The following GABPB1 variants were observed in gnomAD, a reference collection of about 807,000 sequenced individuals.
GABPB1 encodes the protein GA-binding protein subunit beta-1.
GABPB1 carries 15 observed loss-of-function variants against 45.9 expected under a neutral mutation model. That is an observed-to-expected ratio of 0.33 (90% CI 0.22 to 0.50). The LOEUF is 0.50. Ranked by LOEUF, GABPB1 falls within the 20% of genes least tolerant of loss-of-function variation. The pLI is 0.98. For missense variants in GABPB1, 252 were observed against 457.5 expected (o/e 0.55, Z 4.10); for synonymous variants, 143 against 154.4 (o/e 0.93, Z 0.55).
intron 1 of GABPB1, among the ~76,000 whole-genome samples, chr15:50,347,242 A>G (rs2141178236): frequency 6.6e-6 from 1 of 152,234 alleles, no homozygotes; most frequent in Middle Eastern, 3.4e-3. Flanking sequence ...AGACCATAGC[A>G]CTTAGGGCAA....
chr15:50,284,050 A>G (rs931430940), intron 8 of GABPB1, among the ~76,000 whole-genome samples: 1 of 152,176 alleles, frequency 6.6e-6, no homozygotes, highest in African/African-American at 2.4e-5. Context: ...GCCACTAGTC[A>G]TGACAACCAA....
At chr15:50,342,340 C>T (rs757446839) in intron 1 of GABPB1, among the ~76,000 whole-genome samples, 1 of 150,916 alleles carries the variant, frequency 6.6e-6, no homozygotes. Context: ...TTTTTTTAAC[C>T]CTTATAGGAG....
intron 1 of GABPB1, among the ~76,000 whole-genome samples, chr15:50,316,239 G>T (rs2047322583): frequency 6.6e-6 from 1 of 152,102 alleles, no homozygotes; most frequent in South Asian, 2.1e-4. Flanking sequence ...TACATGCCAA[G>T]ATGGCCATCT....
chr15:50,331,348 T>C (rs989802454), intron 1 of GABPB1, among the ~76,000 whole-genome samples: 2 of 152,114 alleles, frequency 1.3e-5, no homozygotes, highest in African/African-American at 2.4e-5. Context: ...CCAATAACAG[T>C]AGTGGTAGCA....
rs552203074 is a variant in GABPB1, at chr15:50,282,560, G to GAAAAAAAAAAAAAAAA, written c.999+3507_999+3508insTTTTTTTTTTTTTTTT. On this transcript the variant is annotated intron_variant, in intron 8 of 8. Coordinates refer to ENST00000380877, the MANE Select transcript of GABPB1 (RefSeq NM_016654.5). ...CAAAGTGAGACCCTGCCTTAAAAAA[G>GAAAAAAAAAAAAAAAA]AAAAAAAAAAAAAAACAGAGACGGA... Among the ~76,000 whole-genome samples, 448 of 88,938 alleles carry GAAAAAAAAAAAAAAAA rather than the reference G, an allele frequency of 5.0e-3. 66 individuals are homozygous for GAAAAAAAAAAAAAAAA. Among genetic ancestry groups the GAAAAAAAAAAAAAAAA allele is most frequent in the Non-Finnish European group, 6.6e-3 (280 of 42,606 alleles). The allele number at this position is 88,938 out of a possible 152,430, so 58.3% of individuals were successfully genotyped here. A position where few individuals can be genotyped will look rare whatever the true frequency, so the allele number is the denominator to read the frequency against.
At chr15:50,354,395 C>T in intron 1 of GABPB1, 1 of 451,974 alleles carries the variant, frequency 2.2e-6, no homozygotes, top group Non-Finnish European at 4.4e-6. Flanking sequence ...CCTGTCTGGT[C>T]CGGCCGATCC....
chr15:50,311,463 C>A (rs1235668380), intron 1 of GABPB1, among the ~76,000 whole-genome samples: 5 of 152,128 alleles, frequency 3.3e-5, no homozygotes, highest in African/African-American at 9.7e-5. Flanking sequence ...ATTAGTGTAT[C>A]TCTACCTGGT....
intron 1 of GABPB1, among the ~76,000 whole-genome samples, chr15:50,335,895 C>CAAAAAAA (rs775073809): frequency 1.3e-5 from 1 of 79,340 alleles, no homozygotes; most frequent in Non-Finnish European, 2.4e-5. Flanking sequence ...GACTCCGACT[C>CAAAAAAA]AAAAAAAAAA....
At chr15:50,327,430 C>T (rs1037838034) in intron 1 of GABPB1, 1 of 152,272 alleles carries the variant, frequency 6.6e-6, no homozygotes, top group Non-Finnish European at 1.5e-5. Flanking sequence ...TGCTGCCAGG[C>T]AATCCCCCTA....
intron 1 of GABPB1, among the ~76,000 whole-genome samples, chr15:50,325,139 T>A (rs1254437407): frequency 6.6e-6 from 1 of 152,120 alleles, no homozygotes; most frequent in African/African-American, 2.4e-5. Flanking sequence ...CAGTACAGGA[T>A]GAAATGTGCT....
chr15:50,281,502 C>CAT (rs1567471022), intron 8 of GABPB1, among the ~76,000 whole-genome samples: 5 of 152,164 alleles, frequency 3.3e-5, no homozygotes, highest in South Asian at 2.1e-4. Flanking sequence ...TGAGCCACTG[C>CAT]GCCCGGCCTA....
intron 1 of GABPB1, among the ~76,000 whole-genome samples, chr15:50,347,715 C>CT (rs1484624417): frequency 6.6e-6 from 1 of 152,056 alleles, no homozygotes; most frequent in Non-Finnish European, 1.5e-5. Flanking sequence ...AGAATGGGTG[C>CT]ATTAAAGACA....
Position 50,300,869 on chromosome 15 carries a change from T to C in GABPB1, c.617A>G (p.Asn206Ser). 6.2e-7 allele frequency: 1 copy of C among 1,611,600 alleles called. No homozygotes were observed. Among genetic ancestry groups the C allele is most frequent in the Non-Finnish European group, 8.5e-7 (1 of 1,178,052 alleles). Residue 206 changes from asparagine (N) to serine (S), a missense_variant, in exon 6 of 9, where the codon AAC (asparagine) becomes AGC (serine). Coordinates refer to ENST00000380877, the MANE Select transcript of GABPB1 (RefSeq NM_016654.5). ...ETGVSAVQFG[N>S]SSTSVLATLA... ...TGTAGCTAATACTGATGTAGAAGAGTTTCCAAACTGAACAGCAGATACACC... is the reference window on the plus strand; with the variant it reads ...TGTAGCTAATACTGATGTAGAAGAGCTTCCAAACTGAACAGCAGATACACC...
intron 1 of GABPB1, among the ~76,000 whole-genome samples, chr15:50,314,124 A>T (rs928939723): frequency 6.6e-6 from 1 of 152,202 alleles, no homozygotes; most frequent in African/African-American, 2.4e-5. Context: ...AATATACTTA[A>T]GTTACTCTGG....
intron 1 of GABPB1, among the ~76,000 whole-genome samples, chr15:50,320,198 G>A (rs1383857726): frequency 3.9e-5 from 6 of 152,094 alleles, no homozygotes; most frequent in East Asian, 1.9e-4. Context: ...ATGGAGTTTC[G>A]CTCTTGTTGC....
rs928084833 is a variant in GABPB1 at position 50,286,226 on chromosome 15, GATTT to G, written c.884-47_884-44del. ...TTATGTATTACTTCATTTTCAGAGA[GATTT>G]ATTAGAAATAAAACTAGTCTTGACA... is the stretch of plus-strand genomic sequence containing the variant. On this transcript the variant is annotated intron_variant, in intron 7 of 8. Coordinates refer to ENST00000380877, the MANE Select transcript of GABPB1 (RefSeq NM_016654.5). 4.6e-6 allele frequency: 6 copies of G among 1,311,064 alleles called. No individual in the cohort carries two copies. In the Admixed American group the frequency reaches 7.8e-5, roughly 17 times the overall value. The allele number at this position is 1,311,064 out of a possible 1,614,324, so 81.2% of individuals were successfully genotyped here.
At position 50,304,082 on chromosome 15, in the gene GABPB1, T is replaced by C. The variant is rs748841484; in HGVS notation, c.160A>G (p.Thr54Ala). Reference sequence around the variant, plus strand: ...ACACCAGCTCGCAGCAGTACCTCTGTGGTGGAATAATGACCATACTGTGCT... The same window carrying C: ...ACACCAGCTCGCAGCAGTACCTCTGCGGTGGAATAATGACCATACTGTGCT... ...LAAQYGHYST[T>A]EVLLRAGVSR... The change falls in exon 3 of 9, where the codon ACA becomes GCA. Residue 54 changes from threonine (T) to alanine (A), a missense_variant. Thr to Ala is a moderately conservative substitution (Grantham distance 58, BLOSUM62 0). Transcript: ENST00000380877. 15 of 1,613,090 alleles carry C rather than the reference T, an allele frequency of 9.3e-6. No homozygotes were observed. Among genetic ancestry groups the C allele is most frequent in the Non-Finnish European group, 1.3e-5 (15 of 1,179,702 alleles).
In GABPB1 at chr15:50,337,466, A is replaced by G. The variant is rs2048191284; in HGVS notation, c.-1+17519T>C. Among the ~76,000 whole-genome samples, 5 of 152,074 alleles carry G rather than the reference A, an allele frequency of 3.3e-5. No individual in the cohort carries two copies. In the South Asian group the frequency reaches 6.2e-4, roughly 19 times the overall value. On this transcript the variant is annotated intron_variant, in intron 1 of 8. Coordinates refer to ENST00000380877, the MANE Select transcript of GABPB1 (RefSeq NM_016654.5). ...AAATGGTTAAAAGTTTTGAATCTCAAGCAAAAAGTACTGGCTGAGTGCAGT... is the reference window on the plus strand; with the variant it reads ...AAATGGTTAAAAGTTTTGAATCTCAGGCAAAAAGTACTGGCTGAGTGCAGT...
At chr15:50,340,079 T>C (rs1031173954) in intron 1 of GABPB1, among the ~76,000 whole-genome samples, 1 of 152,158 alleles carries the variant, frequency 6.6e-6, no homozygotes. Flanking sequence ...GCAAACCTTA[T>C]CATTCCATTC....
Sources: gnomAD v4.1 joint callset for allele counts (sites outside exome capture counted in the v4.1 genomes callset) on GRCh38, gnomAD v4.1.1 for gene constraint, MANE v1.5 for transcripts, NCBI Gene and HGNC (gene_info 2026-07-23, HGNC 2026-07-21) for gene names.